The following SNX30 variants were observed in gnomAD, a reference collection of about 807,000 sequenced individuals.
SNX30 encodes sorting nexin family member 30.
In SNX30, 24 loss-of-function variants were observed where a neutral mutation model predicts 46.4. The observed-to-expected ratio is 0.52, with a 90% CI of 0.37 to 0.73. The LOEUF (loss-of-function observed/expected upper bound fraction) is 0.73. Among genes scored for constraint, SNX30 ranks in the 30% least tolerant of loss-of-function variants. The probability of loss-of-function intolerance (pLI) is 0.00; values close to 1 mark genes in which losing one functional copy is unlikely to be tolerated. For synonymous variants in SNX30, 189 were observed against 211.5 expected, an observed-to-expected ratio of 0.89 and a Z score of 0.92; for missense variants, 533 against 555.7, an observed-to-expected ratio of 0.96 and a Z score of 0.41.
At chr9:112,829,197 C>G (rs1840623764) in intron 3 of SNX30, among the ~76,000 whole-genome samples, 1 of 152,172 alleles carries the variant, frequency 6.6e-6, no homozygotes, top group African/African-American at 2.4e-5. Context: ...TCATTGTAAA[C>G]AAGGCTGTTA....
chr9:112,849,835 A>G (rs1304212920), intron 6 of SNX30, among the ~76,000 whole-genome samples: 1 of 152,214 alleles, frequency 6.6e-6, no homozygotes, highest in Admixed American at 6.5e-5. Context: ...AAAGTGCATG[A>G]TTAGAAACTT....
At chr9:112,789,326 G>A (rs763326195) in intron 1 of SNX30, among the ~76,000 whole-genome samples, 10 of 152,050 alleles carry the variant, frequency 6.6e-5, no homozygotes, top group Admixed American at 2.6e-4. Flanking sequence ...TTCTCAGCCT[G>A]GAATGTCCTG....
chr9:112,798,140 T>TTTTTTTTG (rs1840143559), intron 1 of SNX30, among the ~76,000 whole-genome samples: 1 of 33,824 alleles, frequency 3.0e-5, no homozygotes, highest in African/African-American at 8.3e-5. Flanking sequence ...TTTTTTTTTT[T>TTTTTTTTG]ATTATACTCT....
At position 112,750,908 on chromosome 9, in the gene SNX30, C is replaced by A. The variant is rs1357094609; in HGVS notation, c.-94C>A. Reference sequence around the variant, plus strand: ...CGGTGCAAGGCCTCGGGTTAAGCGGCGGCCGAGCGGGGCTCGGCCCGGGGT... The same window carrying A: ...CGGTGCAAGGCCTCGGGTTAAGCGGAGGCCGAGCGGGGCTCGGCCCGGGGT... On this transcript the variant is annotated 5_prime_UTR_variant, in exon 1 of 9. Coordinates refer to ENST00000374232, the MANE Select transcript of SNX30 (RefSeq NM_001012994.2). The A allele has an allele frequency of 9.1e-7, 1 of 1,099,500 alleles. No individual in the cohort carries two copies. Among genetic ancestry groups the A allele is most frequent in the Non-Finnish European group, 1.1e-6 (1 of 898,898 alleles). The allele number at this position is 1,099,500 out of a possible 1,614,324, so 68.1% of individuals were successfully genotyped here.
chr9:112,775,717 C>G (rs1431469276), intron 1 of SNX30, among the ~76,000 whole-genome samples: 1 of 151,488 alleles, frequency 6.6e-6, no homozygotes, highest in East Asian at 1.9e-4. Context: ...ACCAGTGTTA[C>G]CAATTTATGG....
At chr9:112,768,690 C>G (rs1274749564) in intron 1 of SNX30, among the ~76,000 whole-genome samples, 1 of 102,772 alleles carries the variant, frequency 9.7e-6, no homozygotes, top group African/African-American at 3.8e-5. Context: ...CGGTCTTGCT[C>G]TTGTCGCTTA....
chr9:112,781,811 T>G (rs1040500085), intron 1 of SNX30, among the ~76,000 whole-genome samples: 2 of 151,404 alleles, frequency 1.3e-5, no homozygotes, highest in African/African-American at 4.9e-5. Flanking sequence ...TTTTTTTTTT[T>G]TTGTATATTT....
At chr9:112,827,060 GC>G (rs1322616949) in intron 3 of SNX30, among the ~76,000 whole-genome samples, 2 of 152,088 alleles carry the variant, frequency 1.3e-5, no homozygotes, top group African/African-American at 4.8e-5. Context: ...TTTCCACTGT[GC>G]CCTTTTTGGA....
intron 1 of SNX30, among the ~76,000 whole-genome samples, chr9:112,768,653 T>TCTTCTTC (rs375229219): frequency 5.0e-5 from 4 of 79,646 alleles, no homozygotes; most frequent in African/African-American, 1.4e-4. Context: ...TCTTCTTTTT[T>TCTTCTTC]TTTTTTTTTT....
chr9:112,793,107 G>A (rs994136090), intron 1 of SNX30, among the ~76,000 whole-genome samples: 1 of 152,040 alleles, frequency 6.6e-6, no homozygotes, highest in Non-Finnish European at 1.5e-5. Context: ...CCTGCTATTT[G>A]CCCCCATCAG....
chr9:112,804,001 A>G (rs1840180167), intron 1 of SNX30, among the ~76,000 whole-genome samples: 1 of 135,390 alleles, frequency 7.4e-6, no homozygotes, highest in Non-Finnish European at 1.6e-5. Flanking sequence ...CGGCTCGCGC[A>G]CGGTGCGCAC....
intron 7 of SNX30, among the ~76,000 whole-genome samples, chr9:112,862,668 G>A (rs533056032): frequency 2.0e-5 from 3 of 152,158 alleles, no homozygotes; most frequent in South Asian, 4.1e-4. Context: ...TTGGGGGACC[G>A]AGGTGGGAGG....
At chr9:112,881,138 C>G (rs114163076) in intron 5 of SNX30, among the ~76,000 whole-genome samples, 1 of 152,320 alleles carries the variant, frequency 6.6e-6, no homozygotes, top group African/African-American at 2.4e-5. Flanking sequence ...GCAATTAGGT[C>G]TGAACTGAAG....
At chr9:112,862,215 C>G (rs1841250059) in intron 7 of SNX30, among the ~76,000 whole-genome samples, 1 of 152,254 alleles carries the variant, frequency 6.6e-6, no homozygotes, top group South Asian at 2.1e-4. Context: ...GGGAATCTTT[C>G]CTCTGTGAAC....
intron 8 of SNX30, among the ~76,000 whole-genome samples, chr9:112,868,462 G>A (rs930235008): frequency 2.0e-5 from 3 of 152,116 alleles, no homozygotes; most frequent in Admixed American, 2.0e-4. Flanking sequence ...TCCTGCTTGG[G>A]CTTTTTTCTG....
chr9:112,783,905 A>G (rs1286577653), intron 1 of SNX30, among the ~76,000 whole-genome samples: 1 of 152,192 alleles, frequency 6.6e-6, no homozygotes, highest in Non-Finnish European at 1.5e-5. Flanking sequence ...GTTAAGGTGT[A>G]CCCAGTGACC....
intron 6 of SNX30, among the ~76,000 whole-genome samples, chr9:112,850,460 A>G (rs1841004121): frequency 1.3e-5 from 2 of 152,236 alleles, no homozygotes; most frequent in Admixed American, 1.3e-4. Flanking sequence ...AGACTTTAAG[A>G]TTTCAGAGAA....
rs535750398 is a variant in SNX30 at position 112,831,160 on chromosome 9, C to T, written c.618+277C>T. On this transcript the variant is annotated intron_variant, in intron 4 of 8. Transcript: ENST00000374232. ...TCTTTAAAAAAAAAAAAAAAAAAAGCGGTTTTGATCTTTCAGAAGCCACCT... is the reference window on the plus strand; with the variant it reads ...TCTTTAAAAAAAAAAAAAAAAAAAGTGGTTTTGATCTTTCAGAAGCCACCT... Among the ~76,000 whole-genome samples the T allele has an allele frequency of 4.8e-5, 7 of 144,716 alleles. No homozygotes were observed. In the East Asian group the frequency reaches 8.0e-4, roughly 17 times the overall value. The allele number at this position is 144,716 out of a possible 152,430, so 94.9% of individuals were successfully genotyped here.
intron 7 of SNX30, among the ~76,000 whole-genome samples, chr9:112,856,055 CTT>C (rs1841121620): frequency 6.6e-6 from 1 of 152,132 alleles, no homozygotes; most frequent in Admixed American, 6.5e-5. Flanking sequence ...GCGTTGGACT[CTT>C]TTCAGTGCTA....
Sources: gnomAD v4.1 joint callset for allele counts (sites outside exome capture counted in the v4.1 genomes callset) on GRCh38, gnomAD v4.1.1 for gene constraint, MANE v1.5 for transcripts, NCBI Gene and HGNC (gene_info 2026-07-23, HGNC 2026-07-21) for gene names.